CDC27: variants seen among roughly 807,000 people sequenced by gnomAD.
The protein encoded by CDC27 is cell division cycle 27, also known as cell division cycle protein 27 homolog.
In CDC27, 27 loss-of-function variants were observed where a neutral mutation model predicts 109.7. The ratio of observed to expected loss-of-function variants is 0.25; its 90% CI spans 0.18 to 0.34. CDC27 has a LOEUF of 0.34. CDC27 is among the 10% of genes least tolerant of loss of function. The pLI, the probability that CDC27 is intolerant of heterozygous loss-of-function variation, is 1.00. For missense variants in CDC27, 579 were observed against 960.2 expected, an observed-to-expected ratio of 0.60 and a Z score of 5.25; for synonymous variants, 266 against 333.9, an observed-to-expected ratio of 0.80 and a Z score of 2.22.
chr17:47,123,928 T>A lies in CDC27; in HGVS notation c.2193A>T (p.Gln731His), dbSNP rs754909214. 1.9e-6 allele frequency: 3 copies of A among 1,604,698 alleles called. No individual in the cohort carries two copies. Among genetic ancestry groups the A allele is most frequent in the Admixed American group, 3.4e-5 (2 of 57,988 alleles). The stretch of plus-strand genomic sequence containing the variant: ...AAACGAGGGATTCTTTGGGAACAAT[T>A]TGTTTCAATTCTTCAAGTTCTTGTA... ...SALQELEELK[Q>H]IVPKESLVYF... is the part of the protein sequence containing the mutation. Residue 731 changes from glutamine (Q) to histidine (H), a missense_variant, in exon 17 of 19, where the codon CAA (glutamine) becomes CAT (histidine). This residue lies in a region of CDC27 where 227 missense variants were observed against 363.6 expected (regional missense o/e 0.62). Transcript: ENST00000066544.
At chr17:47,172,593 G>A (rs769310729) in intron 2 of CDC27, among the ~76,000 whole-genome samples, 15 of 152,104 alleles carry the variant, frequency 9.9e-5, no homozygotes, top group South Asian at 4.1e-4. Flanking sequence ...ATTATAAATT[G>A]TGAATGCTCA....
At chr17:47,129,710 C>A (rs1414362008) in intron 15 of CDC27, among the ~76,000 whole-genome samples, 189 bp from the exon 16 acceptor site, 1 of 152,158 alleles carries the variant, frequency 6.6e-6, no homozygotes. Context: ...TCTCTAAAAT[C>A]ACTTCTAATT....
chr17:47,165,232 G>GT (rs771334710), intron 4 of CDC27, among the ~76,000 whole-genome samples: 11 of 152,118 alleles, frequency 7.2e-5, no homozygotes, highest in Non-Finnish European at 1.3e-4. Context: ...ATTTTGGGTT[G>GT]TTTCCAGTTT....
chr17:47,132,988 CATATATATATATATATATATATATAT>C (rs1158266100), intron 14 of CDC27, among the ~76,000 whole-genome samples: 9 of 40,896 alleles, frequency 2.2e-4, no homozygotes, highest in Admixed American at 6.8e-4. Context: ...TGCCCAGGCG[CATATATATATATATATATATATATAT>C]ATATATATAT....
chr17:47,181,254 CAAAAAAAAAAAAAAAAAA>C lies in CDC27; in HGVS notation c.103+290_103+307del, dbSNP rs34104273. ...TGGGTGACAGAGTGAGACCCTGTTT[CAAAAAAAAAAAAAAAAAA>C]AAAAAAAAAAAAAACCCAAAACAAC... is the stretch of plus-strand genomic sequence containing the variant. On this transcript the variant is annotated intron_variant, in intron 2 of 18. Transcript: ENST00000066544. 17 of 31,244 alleles carry C rather than the reference CAAAAAAAAAAAAAAAAAA, an allele frequency of 5.4e-4. No homozygotes were observed. The South Asian group carries it at 0.013, about 24-fold the overall frequency. The allele number at this position is 31,244 out of a possible 1,614,324, so 1.9% of individuals were successfully genotyped here.
At chr17:47,172,090 G>T (rs2063828019) in intron 2 of CDC27, 26 bp from the exon 3 acceptor site, 1 of 1,501,096 alleles carries the variant, frequency 6.7e-7, no homozygotes, top group East Asian at 2.4e-5. Context: ...TTTTAAAAAG[G>T]CTATTGTTCA....
chr17:47,173,124 CA>C (rs1567710118), intron 2 of CDC27, among the ~76,000 whole-genome samples: 1 of 152,188 alleles, frequency 6.6e-6, no homozygotes, highest in Non-Finnish European at 1.5e-5. Context: ...AAGTACAAGA[CA>C]AACTTGCCAC....
At chr17:47,164,426 TAC>T (rs2063584729) in intron 4 of CDC27, among the ~76,000 whole-genome samples, 1 of 152,250 alleles carries the variant, frequency 6.6e-6, no homozygotes, top group Non-Finnish European at 1.5e-5. Context: ...GCAAAAACAG[TAC>T]ACAGTTCCCA....
At chr17:47,181,338 G>T (rs1423973649) in intron 2 of CDC27, 24 of 137,116 alleles carry the variant, frequency 1.8e-4, no homozygotes, top group East Asian at 8.0e-4. Context: ...ATTGAAAAAT[G>T]ATTAAGTAAA....
At chr17:47,135,780 T>TAA (rs552380474) in intron 14 of CDC27, among the ~76,000 whole-genome samples, 6 of 148,296 alleles carry the variant, frequency 4.0e-5, no homozygotes, top group Non-Finnish European at 6.0e-5. Context: ...AATACACATT[T>TAA]AAAAAAAAAA....
At chr17:47,180,987 C>A (rs572543432) in intron 2 of CDC27, among the ~76,000 whole-genome samples, 1 of 145,300 alleles carries the variant, frequency 6.9e-6, no homozygotes, top group South Asian at 2.2e-4. Context: ...CATGGTGGCC[C>A]ATGAGTATAA....
At chr17:47,187,244 T>C (rs572125008) in intron 1 of CDC27, among the ~76,000 whole-genome samples, 209 of 152,290 alleles carry the variant, frequency 1.4e-3, no homozygotes, top group African/African-American at 4.9e-3. Context: ...GGAAACCTGA[T>C]GGGTACTATC....
intron 9 of CDC27, among the ~76,000 whole-genome samples, chr17:47,144,516 C>A (rs905636479): frequency 3.9e-5 from 6 of 152,146 alleles, no homozygotes; most frequent in Admixed American, 3.9e-4. Context: ...GTAAATACCA[C>A]TAGAACTACT....
chr17:47,129,303 T>C, intron 16 of CDC27, 90 bp downstream of exon 16: 1 of 1,039,140 alleles, frequency 9.6e-7, no homozygotes, highest in Non-Finnish European at 1.4e-6. Context: ...AGATCAAAAT[T>C]AAATAAATAA....
At chr17:47,135,208 G>A (rs769264253) in intron 14 of CDC27, among the ~76,000 whole-genome samples, 22 of 152,090 alleles carry the variant, frequency 1.4e-4, no homozygotes, top group Non-Finnish European at 2.8e-4. Flanking sequence ...CATACATAGT[G>A]TCATGTTTGG....
At chr17:47,165,895 G>A (rs1373316155) in intron 4 of CDC27, among the ~76,000 whole-genome samples, 2 of 152,056 alleles carry the variant, frequency 1.3e-5, no homozygotes. Context: ...ACCATTATTT[G>A]CTAAAAAGGA....
intron 9 of CDC27, among the ~76,000 whole-genome samples, chr17:47,146,102 T>C (rs1249354984): frequency 6.6e-6 from 1 of 152,188 alleles, no homozygotes; most frequent in Non-Finnish European, 1.5e-5. Flanking sequence ...ACTGATGCAT[T>C]GGGAGGGTGA....
chr17:47,151,932 A>G lies in CDC27; in HGVS notation c.958-14T>C, dbSNP rs181845173. 3.1e-6 allele frequency: 5 copies of G among 1,603,896 alleles called. No individual in the cohort carries two copies. The highest frequency in any genetic ancestry group is 4.5e-5 in the East Asian group (2 of 44,562). On this transcript the variant is annotated splice_polypyrimidine_tract_variant and intron_variant, in intron 8 of 18. Coordinates refer to ENST00000066544, the MANE Select transcript of CDC27 (RefSeq NM_001256.6). ...TCTGGCAACAGACTGTAAAACACGA[A>G]AAGTCTAAGGTTTGTGAATTATGGG...
chr17:47,145,980 T>C (rs908475694), intron 9 of CDC27, among the ~76,000 whole-genome samples: 1 of 151,836 alleles, frequency 6.6e-6, no homozygotes, highest in African/African-American at 2.4e-5. Context: ...GGGAAGGAAA[T>C]TGAGTTCAAT....
Sources: allele counts gnomAD v4.1 joint callset (sites outside exome capture counted in the v4.1 genomes callset), GRCh38; gene constraint gnomAD v4.1.1; regional missense constraint gnomAD v4.1.1; transcripts MANE v1.5; gene names NCBI Gene and HGNC (gene_info 2026-07-23, HGNC 2026-07-21).